The following CPAMD8 variants were observed in gnomAD, a reference collection of about 807,000 sequenced individuals.
The protein encoded by CPAMD8 is C3 and PZP-like alpha-2-macroglobulin domain-containing protein 8.
A neutral mutation model predicts 224.7 loss-of-function variants in CPAMD8; 146 were observed. That is an observed-to-expected ratio of 0.65 (90% CI 0.57 to 0.75). CPAMD8 has a LOEUF of 0.75. Ranked by LOEUF, CPAMD8 falls within the 30% of genes least tolerant of loss-of-function variation. The pLI is 0.00. For synonymous variants in CPAMD8, 966 were observed against 1,044.6 expected, an observed-to-expected ratio of 0.92 and a Z score of 1.45; for missense variants, 2,301 against 2,537.5, an observed-to-expected ratio of 0.91 and a Z score of 2.00.
chr19:16,966,423 T>C (rs1009345479), intron 18 of CPAMD8, among the ~76,000 whole-genome samples: 2 of 152,144 alleles, frequency 1.3e-5, no homozygotes, highest in East Asian at 1.9e-4. Context: ...ATTCAAGACA[T>C]AGGCATGGGC....
At chr19:17,017,282 T>C (rs2056837448) in intron 3 of CPAMD8, among the ~76,000 whole-genome samples, 1 of 152,222 alleles carries the variant, frequency 6.6e-6, no homozygotes, top group African/African-American at 2.4e-5. Flanking sequence ...GGGCTTGCAC[T>C]GTTTCTTCAG....
intron 6 of CPAMD8, 40 bp from the exon 7 acceptor site, chr19:17,008,599 C>T: frequency 6.2e-7 from 1 of 1,606,124 alleles, no homozygotes; most frequent in Non-Finnish European, 8.5e-7. Flanking sequence ...GGAGTGAACT[C>T]AGGCTAGCCT....
chr19:16,905,540 CAAAAAAAAAA>C lies in CPAMD8; in HGVS notation c.4028-998_4028-989del, dbSNP rs5827346. ...GGGCAACAAGAGCGAAACTCCGTTT[CAAAAAAAAAA>C]AAAAAAAAAGGAAGAAAAGAAAAAA... On this transcript the variant is annotated intron_variant, in intron 30 of 41. Transcript: ENST00000443236. Among the ~76,000 whole-genome samples the C allele has an allele frequency of 1.1e-3, 89 of 80,406 alleles. 1 individual carries two copies. Among genetic ancestry groups the C allele is most frequent in the South Asian group, 2.1e-3 (4 of 1,950 alleles). The allele number at this position is 80,406 out of a possible 152,430, so 52.7% of individuals were successfully genotyped here.
chr19:16,989,627 C>T lies in CPAMD8; in HGVS notation c.1395+16G>A, dbSNP rs762762114. The T allele has an allele frequency of 2.5e-6, 4 of 1,611,756 alleles. No homozygotes were observed. Among genetic ancestry groups the T allele is most frequent in the African/African-American group, 2.7e-5 (2 of 74,868 alleles). On this transcript the variant is annotated intron_variant, in intron 13 of 41. Coordinates refer to ENST00000443236, the MANE Select transcript of CPAMD8 (RefSeq NM_015692.5). ...ATCCCGCATGGCCCAGGAAGGGTAG[C>T]TCCTGAAAATCTTACCTGCAGTGGG... is the stretch of plus-strand genomic sequence containing the variant.
rs749671741 is a variant in CPAMD8, at chr19:16,976,157, C to T, written c.1759-6G>A. 42 of 1,608,062 alleles carry T rather than the reference C, an allele frequency of 2.6e-5. No individual in the cohort carries two copies. The highest frequency in any genetic ancestry group is 3.0e-5 in the Non-Finnish European group (35 of 1,176,786). ...GCTGAATACGTCACTGAAACCTTGG[C>T]GCAAATGCAGCAAGGGATAAGAAAC... On this transcript the variant is annotated splice_region_variant and splice_polypyrimidine_tract_variant and intron_variant, in intron 15 of 41. Transcript: ENST00000443236.
At chr19:16,929,272 A>G in intron 23 of CPAMD8, 32 bp from the exon 24 acceptor site, 1 of 1,556,188 alleles carries the variant, frequency 6.4e-7, no homozygotes, top group South Asian at 1.2e-5. Flanking sequence ...GGGAGTTGAG[A>G]GGGCACCTGG....
intron 34 of CPAMD8, 42 bp downstream of exon 34, chr19:16,903,519 G>C (rs1287870228): frequency 6.8e-6 from 11 of 1,612,702 alleles, no homozygotes; most frequent in African/African-American, 1.3e-5. Flanking sequence ...TGGGGCACAG[G>C]AGGACAAGCC....
At chr19:17,002,498 AG>A (rs2056360556) in intron 8 of CPAMD8, 148 bp from the exon 9 acceptor site, 1 of 539,820 alleles carries the variant, frequency 1.9e-6, no homozygotes, top group Non-Finnish European at 3.4e-6. Flanking sequence ...TCTGCTGAGC[AG>A]CCCTGGGGAT....
chr19:16,976,021 A>G lies in CPAMD8; in HGVS notation c.1889T>C (p.Phe630Ser). Residue 630 changes from phenylalanine to serine, a missense_variant, in exon 16 of 42, where the codon TTC becomes TCC. By Grantham distance (155) the Phe-to-Ser change is radical. Transcript: ENST00000443236. Reference protein sequence around the residue: ...DKSVYLLRSGFRLTPAQVFQE... With the variant: ...DKSVYLLRSGSRLTPAQVFQE... The stretch of plus-strand genomic sequence containing the variant: ...GCTCACCTGGGCAGGAGTCAGCCGG[A>G]ACCCAGACCTGAGCAGGTAGACACT... 1 of 1,599,222 alleles carries G rather than the reference A, an allele frequency of 6.3e-7. No homozygotes were observed. The highest frequency in any genetic ancestry group is 8.5e-7 in the Non-Finnish European group (1 of 1,172,270).
At chr19:16,919,921 C>T (rs144268267) in intron 27 of CPAMD8, among the ~76,000 whole-genome samples, 1 of 152,144 alleles carries the variant, frequency 6.6e-6, no homozygotes. Flanking sequence ...ACATGCTTAT[C>T]CCATGGATCC....
At chr19:16,940,074 G>C (rs1025312187) in intron 22 of CPAMD8, among the ~76,000 whole-genome samples, 11 of 151,928 alleles carry the variant, frequency 7.2e-5, no homozygotes, top group African/African-American at 2.2e-4. Flanking sequence ...ACCAGGCCCA[G>C]CTAATTTTTG....
chr19:17,006,733 T>C (rs2056502492), intron 7 of CPAMD8, among the ~76,000 whole-genome samples: 1 of 151,894 alleles, frequency 6.6e-6, no homozygotes, highest in Admixed American at 6.6e-5. Flanking sequence ...TGCCTGGCTG[T>C]CCCCCGTTCC....
At position 16,893,244 on chromosome 19, in the gene CPAMD8, G is replaced by A. The variant is rs1404005785; in HGVS notation, c.5522C>T (p.Ala1841Val). ...CACCCGGCCACTATGTCTCTGAGGG[G>A]CCGGAGTCTGGCCCCATCTGTGGAA... is the stretch of plus-strand genomic sequence containing the variant. ...SPFHRWGQTP[A>V]PQRHSGRVVG... Residue 1841 changes from alanine (A) to valine (V), a missense_variant, in exon 42 of 42, where the codon GCC becomes GTC. By Grantham distance (64) the Ala-to-Val change is moderately conservative. This residue lies in a region of CPAMD8 where 1,709 missense variants were observed against 1,753.2 expected (regional missense o/e 0.97). Coordinates refer to ENST00000443236, the MANE Select transcript of CPAMD8 (RefSeq NM_015692.5). The A allele has an allele frequency of 6.4e-7, 1 of 1,574,750 alleles. No individual in the cohort carries two copies. The highest frequency in any genetic ancestry group is 8.6e-7 in the Non-Finnish European group (1 of 1,159,214).
intron 3 of CPAMD8, among the ~76,000 whole-genome samples, chr19:17,015,625 C>G (rs1017707785): frequency 1.3e-5 from 2 of 152,164 alleles, no homozygotes; most frequent in South Asian, 4.1e-4. Flanking sequence ...CCCGTCAAGA[C>G]CAACCAAAGC....
chr19:16,959,621 G>C (rs1229887729), intron 18 of CPAMD8, among the ~76,000 whole-genome samples: 1 of 151,052 alleles, frequency 6.6e-6, no homozygotes, highest in Non-Finnish European at 1.5e-5. Context: ...GTTCACTGCA[G>C]CCTCCGCCTC....
intron 3 of CPAMD8, among the ~76,000 whole-genome samples, chr19:17,016,694 A>C (rs954855829): frequency 2.0e-5 from 3 of 152,118 alleles, no homozygotes; most frequent in Non-Finnish European, 2.9e-5. Flanking sequence ...CAGGAGGCAG[A>C]GGTTGCAGTG....
chr19:16,993,269 G>T, intron 12 of CPAMD8, 147 bp downstream of exon 12: 3 of 633,410 alleles, frequency 4.7e-6, no homozygotes, highest in Non-Finnish European at 8.2e-6. Context: ...TGGCTGTGTT[G>T]TCCATCCCAC....
chr19:16,917,790 C>T (rs1028004278), intron 27 of CPAMD8, among the ~76,000 whole-genome samples: 3 of 152,124 alleles, frequency 2.0e-5, no homozygotes, highest in African/African-American at 7.2e-5. Flanking sequence ...TAATGACTAT[C>T]TGTTATCTGA....
At chr19:16,985,823 G>A (rs1455324744) in intron 13 of CPAMD8, among the ~76,000 whole-genome samples, 1 of 151,856 alleles carries the variant, frequency 6.6e-6, no homozygotes, top group Non-Finnish European at 1.5e-5. Flanking sequence ...GGGACAGATG[G>A]AGGGATGGAG....
Sources: allele counts gnomAD v4.1 joint callset (sites outside exome capture counted in the v4.1 genomes callset), GRCh38; gene constraint gnomAD v4.1.1; regional missense constraint gnomAD v4.1.1; transcripts MANE v1.5; gene names NCBI Gene and HGNC (gene_info 2026-07-23, HGNC 2026-07-21).